SLC6A20: variants seen among roughly 807,000 people sequenced by gnomAD.
SLC6A20 encodes solute carrier family 6 member 20, also known as sodium- and chloride-dependent transporter XTRP3.
Under a neutral mutation model 64.3 loss-of-function variants are expected in SLC6A20, and 73 were observed. The observed-to-expected ratio is 1.14, with a 90% CI of 0.94 to 1.38. The LOEUF is 1.38. SLC6A20 is among the 40% of genes most tolerant of loss of function. The probability of loss-of-function intolerance (pLI) is 0.00; values close to 1 mark genes in which losing one functional copy is unlikely to be tolerated. For missense variants in SLC6A20, 725 were observed against 772.8 expected (o/e 0.94, Z 0.73); for synonymous variants, 347 against 329.6 (o/e 1.05, Z -0.57).
rs1266651996 is a variant in SLC6A20, at chr3:45,765,673, C to T, written c.1167G>A (p.Gln389=). The T allele has an allele frequency of 6.2e-7, 1 of 1,614,140 alleles. No homozygotes were observed. Residue 389 remains glutamine, a synonymous_variant, in exon 8 of 11, where the codon CAG becomes CAA. Transcript: ENST00000358525. This position sits in a 1 kb window ranked among gnomAD's most constrained non-coding sequence, Gnocchi z 4.2. ...TEAIKNMEVS[Q]LWSVLYFFML... ...TGAAGAAGTAGAGCACCGACCACAGCTGGGACACCTCCATGTTTTTAATGG... is the reference window on the plus strand; with the variant it reads ...TGAAGAAGTAGAGCACCGACCACAGTTGGGACACCTCCATGTTTTTAATGG...
rs1314439223 is a variant in SLC6A20 at position 45,782,223 on chromosome 3, C to T, written c.122G>A (p.Gly41Asp). 4 of 1,611,570 alleles carry T rather than the reference C, an allele frequency of 2.5e-6. No homozygotes were observed. Among genetic ancestry groups the T allele is most frequent in the Non-Finnish European group, 2.5e-6 (3 of 1,178,666 alleles). The stretch of plus-strand genomic sequence containing the variant: ...GATGATGTAGGGGACCAGGAAACTA[C>T]CTGTGGATGTCCAGAGCTGAGAGCC... Reference protein sequence around the residue: ...FPYLCQMYGGGSFLVPYIIML... With the variant: ...FPYLCQMYGGDSFLVPYIIML... Residue 41 changes from glycine to aspartate, a missense_variant and splice_region_variant, in exon 2 of 11, where the codon GGT becomes GAT. By Grantham distance (94) the Gly-to-Asp change is moderately conservative. Transcript: ENST00000358525.
At chr3:45,792,634 G>T (rs1345017845) in intron 1 of SLC6A20, among the ~76,000 whole-genome samples, 2 of 152,180 alleles carry the variant, frequency 1.3e-5, no homozygotes, top group Non-Finnish European at 2.9e-5. Flanking sequence ...GGACTGACCT[G>T]CTGTGAATCA....
In SLC6A20 at chr3:45,759,801, C is replaced by T. The variant is rs557494858; in HGVS notation, c.1629+56G>A. ...CCCTGGTTTCGGAAAATGAATGGCC[C>T]ATGCTTTTCAGTGGCCATGGGGGCC... On this transcript the variant is annotated intron_variant, in intron 10 of 10. Coordinates refer to ENST00000358525, the MANE Select transcript of SLC6A20 (RefSeq NM_020208.4). The T allele has an allele frequency of 6.4e-5, 99 of 1,550,080 alleles. No individual in the cohort carries two copies. The Middle Eastern group carries it at 7.1e-4, about 11-fold the overall frequency.
chr3:45,770,310 G>A lies in SLC6A20; in HGVS notation c.997C>T (p.Leu333=). ...GCGAGGTAGCCCTTCACCTGCTCCA[G>A]GTTGCTGGCTGTCAAAAAGCCATCT... ...LEDGFLTASN[L]EQVKGYLASA... Residue 333 remains leucine (L), a synonymous_variant, in exon 7 of 11, where the codon CTG becomes TTG. Transcript: ENST00000358525. 6.2e-7 allele frequency: 1 copy of A among 1,614,182 alleles called. No homozygotes were observed. Among genetic ancestry groups the A allele is most frequent in the Non-Finnish European group, 8.5e-7 (1 of 1,180,042 alleles).
chr3:45,770,182 G>C, intron 7 of SLC6A20, 27 bp downstream of exon 7: 3 of 1,613,832 alleles, frequency 1.9e-6, no homozygotes, highest in Non-Finnish European at 2.5e-6. Context: ...AGAGAAGCCA[G>C]TCCTTGACCT....
intron 7 of SLC6A20, among the ~76,000 whole-genome samples, chr3:45,769,455 A>AC (rs1245249646): frequency 6.6e-6 from 1 of 151,322 alleles, no homozygotes; most frequent in Non-Finnish European, 1.5e-5. Flanking sequence ...AATAAAGGTG[A>AC]CTTTCAGTAG....
At chr3:45,770,407 C>G (rs755391286) in intron 6 of SLC6A20, 36 bp from the exon 7 acceptor site, 16 of 1,605,908 alleles carry the variant, frequency 1.0e-5, no homozygotes, top group Non-Finnish European at 1.2e-5. Context: ...CTTCACTGAT[C>G]AGAAAGGCAG....
In SLC6A20 at chr3:45,771,233, C is replaced by G. The variant is rs866708210; in HGVS notation, c.919G>C (p.Glu307Gln). 1 of 1,614,212 alleles carries G rather than the reference C, an allele frequency of 6.2e-7. No individual in the cohort carries two copies. The highest frequency in any genetic ancestry group is 8.5e-7 in the Non-Finnish European group (1 of 1,180,046). Residue 307 changes from glutamate to glutamine, a missense_variant, in exon 6 of 11, where the codon GAA (glutamate) becomes CAA (glutamine). Coordinates refer to ENST00000358525, the MANE Select transcript of SLC6A20 (RefSeq NM_020208.4). ...IYGFKATFNY[E>Q]NCLKKVSLLL... ...CAGGCTTACTTCTTCAAGCAGTTTT[C>G]ATAATTGAAGGTGGCCTTGAAGCCA...
chr3:45,784,518 C>G (rs1700142727), intron 1 of SLC6A20, among the ~76,000 whole-genome samples: 1 of 152,138 alleles, frequency 6.6e-6, no homozygotes, highest in African/African-American at 2.4e-5. Context: ...TTCGTTACTT[C>G]TTTGTGAAAG....
intron 8 of SLC6A20, among the ~76,000 whole-genome samples, chr3:45,763,569 C>T (rs1440605864): frequency 6.6e-6 from 1 of 152,180 alleles, no homozygotes; most frequent in Non-Finnish European, 1.5e-5. Context: ...AAATGTCCAC[C>T]CAGATCCTCC....
intron 7 of SLC6A20, among the ~76,000 whole-genome samples, chr3:45,769,114 A>C (rs1436523545): frequency 6.6e-6 from 1 of 152,196 alleles, no homozygotes; most frequent in Non-Finnish European, 1.5e-5. Context: ...ACAAAAACAA[A>C]TGATAGAAAT....
At chr3:45,763,770 G>A (rs1170780559) in intron 8 of SLC6A20, among the ~76,000 whole-genome samples, 1 of 152,140 alleles carries the variant, frequency 6.6e-6, no homozygotes, top group East Asian at 1.9e-4. Context: ...CTTCATCCCA[G>A]GCCCCTCCAG....
rs571025850 is a variant in SLC6A20, at chr3:45,780,168, G to A, written c.263-68C>T. 8 of 1,480,154 alleles carry A rather than the reference G, an allele frequency of 5.4e-6. No individual in the cohort carries two copies. The East Asian group carries it at 1.5e-4, about 27-fold the overall frequency. The allele number at this position is 1,480,154 out of a possible 1,614,324, so 91.7% of individuals were successfully genotyped here. On this transcript the variant is annotated intron_variant, in intron 2 of 10. Transcript: ENST00000358525. ...CTTCCCCCTCCGCCAGGCCCAGCGT[G>A]TGCTCCCAGGACACACCTGTGGCGA...
chr3:45,794,171 A>G (rs1354204578), intron 1 of SLC6A20, among the ~76,000 whole-genome samples: 2 of 152,362 alleles, frequency 1.3e-5, no homozygotes, highest in East Asian at 3.9e-4. Context: ...GAGTTCTCCC[A>G]GCAACAACAG....
intron 1 of SLC6A20, 131 bp from the exon 2 acceptor site, chr3:45,782,354 C>T: frequency 8.0e-7 from 1 of 1,254,420 alleles, no homozygotes; most frequent in Non-Finnish European, 1.1e-6. Context: ...ACCTTTCCAT[C>T]ATCCATCCTC....
chr3:45,772,903 G>C (rs571699006), intron 4 of SLC6A20, among the ~76,000 whole-genome samples: 3 of 152,190 alleles, frequency 2.0e-5, no homozygotes, highest in African/African-American at 7.2e-5. Context: ...CCTTCAACCT[G>C]ACCTTATTCT....
chr3:45,768,409 G>C (rs1699807970), intron 7 of SLC6A20, among the ~76,000 whole-genome samples: 1 of 152,182 alleles, frequency 6.6e-6, no homozygotes. Flanking sequence ...GTAGAGCCAA[G>C]CTCAAAAGTA....
At position 45,770,897 on chromosome 3, in the gene SLC6A20, T is replaced by G. The variant is rs963838321; in HGVS notation, c.935+320A>C. 5.9e-5 allele frequency among the ~76,000 whole-genome samples: 9 copies of G among 152,242 alleles called. No individual in the cohort carries two copies. The South Asian group carries it at 1.9e-3, about 32-fold the overall frequency. ...TGGGCAAGGGGCCACAGAAAGTGAA[T>G]CCTGCAATCTCTGTGGCTCAGCTAG... On this transcript the variant is annotated intron_variant, in intron 6 of 10. Transcript: ENST00000358525.
intron 1 of SLC6A20, among the ~76,000 whole-genome samples, chr3:45,784,161 A>G (rs975852194): frequency 1.2e-4 from 18 of 152,216 alleles, no homozygotes; most frequent in African/African-American, 4.3e-4. Flanking sequence ...GCCAAGTGGG[A>G]ACATGGGGGC....
Sources: allele counts gnomAD v4.1 joint callset (sites outside exome capture counted in the v4.1 genomes callset), GRCh38; gene constraint gnomAD v4.1.1; non-coding constraint Gnocchi (gnomAD v3.1); transcripts MANE v1.5; gene names NCBI Gene and HGNC (gene_info 2026-07-23, HGNC 2026-07-21).